MYO6: variants seen among roughly 807,000 people sequenced by gnomAD.
The protein encoded by MYO6 is unconventional myosin-VI.
MYO6 carries 74 observed loss-of-function variants against 178.7 expected under a neutral mutation model. The ratio of observed to expected loss-of-function variants is 0.41; its 90% confidence interval spans 0.34 to 0.50. The LOEUF (loss-of-function observed/expected upper bound fraction) is 0.50. Among genes scored for constraint, MYO6 ranks in the 20% least tolerant of loss-of-function variants. The probability of loss-of-function intolerance (pLI) is 0.09; values close to 1 mark genes in which losing one functional copy is unlikely to be tolerated. For synonymous variants in MYO6, 477 were observed against 504.6 expected, an observed-to-expected ratio of 0.95 and a Z score of 0.73; for missense variants, 1,330 against 1,547.4, an observed-to-expected ratio of 0.86 and a Z score of 2.36.
chr6:75,879,248 TG>T (rs1454914717), intron 20 of MYO6, among the ~76,000 whole-genome samples: 3 of 152,052 alleles, frequency 2.0e-5, no homozygotes, highest in African/African-American at 4.8e-5. Context: ...TCCTTAGTTT[TG>T]TTTTGTTTTG....
Position 75,912,532 on chromosome 6 carries a change from C to G in MYO6, c.3439+834C>G, listed in dbSNP as rs118072911. 8.8e-3 allele frequency among the ~76,000 whole-genome samples: 1,339 copies of G among 152,142 alleles called. 9 individuals carry two copies. Among genetic ancestry groups the G allele is most frequent in the South Asian group, 0.017 (80 of 4,826 alleles). ...AGTAAGAAAAGCTATCAAAGACTTTCTATTTAGTTTCTGAATTTTATCCAG... is the reference window on the plus strand; with the variant it reads ...AGTAAGAAAAGCTATCAAAGACTTTGTATTTAGTTTCTGAATTTTATCCAG... On this transcript the variant is annotated intron_variant, in intron 33 of 34. Transcript: ENST00000369977.
At chr6:75,831,889 CAAA>C (rs199741161) in intron 5 of MYO6, among the ~76,000 whole-genome samples, 12 of 95,128 alleles carry the variant, frequency 1.3e-4, no homozygotes, top group African/African-American at 1.2e-4. Context: ...TACCCTGTCT[CAAA>C]AAAAAAAAAA....
rs573681797 is a variant in MYO6 at position 75,871,395 on chromosome 6, A to G, written c.1983+710A>G. On this transcript the variant is annotated intron_variant, in intron 19 of 34. Coordinates refer to ENST00000369977, the MANE Select transcript of MYO6 (RefSeq NM_004999.4). ...CTCCCAACTAGCTGAGACTACAGGC[A>G]TGTACCACCACTCCTGGCTAATTTT... Among the ~76,000 whole-genome samples, 598 of 152,202 alleles carry G rather than the reference A, an allele frequency of 3.9e-3. 6 individuals are homozygous for G. Among genetic ancestry groups the G allele is most frequent in the African/African-American group, 0.014 (573 of 41,544 alleles).
At chr6:75,784,079 C>T (rs1767263622) in intron 1 of MYO6, among the ~76,000 whole-genome samples, 1 of 152,138 alleles carries the variant, frequency 6.6e-6, no homozygotes, top group African/African-American at 2.4e-5. Context: ...TCAAGTTATT[C>T]TCCTGCCTCA....
chr6:75,908,607 C>T lies in MYO6; in HGVS notation c.3392C>T (p.Pro1131Leu). The change falls in exon 32 of 35, where the codon CCA becomes CTA. Residue 1131 changes from proline to leucine, a missense_variant. Physicochemically the swap from Pro to Leu is moderately conservative, Grantham distance 98. Coordinates refer to ENST00000369977, the MANE Select transcript of MYO6 (RefSeq NM_004999.4). ...AATACTGAAACAGAGCAACGTGCTC[C>T]AAAGTCTGTTACTGATTATGGTAAA... Reference protein sequence around the residue: ...KRNTETEQRAPKSVTDYDFAP... With the variant: ...KRNTETEQRALKSVTDYDFAP... 1 of 1,613,470 alleles carries T rather than the reference C, an allele frequency of 6.2e-7. No individual in the cohort carries two copies. Among genetic ancestry groups the T allele is most frequent in the South Asian group, 1.1e-5 (1 of 91,068 alleles).
intron 1 of MYO6, among the ~76,000 whole-genome samples, chr6:75,793,903 C>T (rs1487214454): frequency 6.6e-6 from 1 of 152,142 alleles, no homozygotes; most frequent in Non-Finnish European, 1.5e-5. Context: ...CATAGGTCTC[C>T]ATGTACTTAC....
chr6:75,909,353 C>T (rs1562316440), intron 32 of MYO6, among the ~76,000 whole-genome samples: 1 of 152,162 alleles, frequency 6.6e-6, no homozygotes, highest in African/African-American at 2.4e-5. Flanking sequence ...ATGCATTGTC[C>T]ATTTACACTC....
At chr6:75,852,658 T>C (rs1775386066) in intron 11 of MYO6, among the ~76,000 whole-genome samples, 1 of 152,248 alleles carries the variant, frequency 6.6e-6, no homozygotes, top group African/African-American at 2.4e-5. Flanking sequence ...GGTTAATCCA[T>C]GTTATAGCAT....
At chr6:75,752,657 G>A (rs1045116391) in intron 1 of MYO6, among the ~76,000 whole-genome samples, 1 of 152,182 alleles carries the variant, frequency 6.6e-6, no homozygotes, top group African/African-American at 2.4e-5. Context: ...AAGCATCCAG[G>A]AGTAGATATG....
chr6:75,787,759 TA>T (rs1767804599), intron 1 of MYO6, among the ~76,000 whole-genome samples: 1 of 125,448 alleles, frequency 8.0e-6, no homozygotes, highest in Non-Finnish European at 1.6e-5. Flanking sequence ...TATATATATA[TA>T]TGTATTTTTT....
chr6:75,781,175 T>C (rs1416679250), intron 1 of MYO6, among the ~76,000 whole-genome samples: 2 of 152,166 alleles, frequency 1.3e-5, no homozygotes, highest in Non-Finnish European at 2.9e-5. Flanking sequence ...AAATTGATTA[T>C]TTTGAGAATA....
At chr6:75,907,804 G>A (rs1780453079) in intron 31 of MYO6, 96 bp downstream of exon 31, 1 of 841,464 alleles carries the variant, frequency 1.2e-6, no homozygotes. Context: ...ATGTGTGTGT[G>A]TGTGTGTGTG....
intron 18 of MYO6, among the ~76,000 whole-genome samples, chr6:75,868,267 G>A (rs1438701999): frequency 2.6e-5 from 4 of 151,534 alleles, no homozygotes; most frequent in African/African-American, 4.8e-5. Flanking sequence ...TTTGTTATAA[G>A]TTATATTCAT....
chr6:75,795,186 G>A (rs750794735), intron 1 of MYO6, among the ~76,000 whole-genome samples: 7 of 152,118 alleles, frequency 4.6e-5, no homozygotes, highest in Non-Finnish European at 8.8e-5. Flanking sequence ...TTTGGTGTAG[G>A]CGGAAGGCAG....
intron 18 of MYO6, among the ~76,000 whole-genome samples, chr6:75,869,727 CAAG>C (rs1776983670): frequency 6.6e-6 from 1 of 152,062 alleles, no homozygotes; most frequent in African/African-American, 2.4e-5. Flanking sequence ...GTTATAAAAA[CAAG>C]AAAGCATAGT....
At chr6:75,833,720 G>A (rs1773358179) in intron 6 of MYO6, among the ~76,000 whole-genome samples, 1 of 152,040 alleles carries the variant, frequency 6.6e-6, no homozygotes. Context: ...GTAGATCTGT[G>A]GTACATTTTG....
At chr6:75,847,731 T>C (rs1162951881) in intron 10 of MYO6, among the ~76,000 whole-genome samples, 1 of 152,106 alleles carries the variant, frequency 6.6e-6, no homozygotes, top group African/African-American at 2.4e-5. Context: ...GCATGAAAAT[T>C]GTATCAGCCT....
At chr6:75,873,637 T>C (rs2149328613) in intron 20 of MYO6, among the ~76,000 whole-genome samples, 1 of 152,292 alleles carries the variant, frequency 6.6e-6, no homozygotes, top group South Asian at 2.1e-4. Flanking sequence ...TTGTTTATTG[T>C]GAAATAAACA....
chr6:75,788,416 G>A (rs1413013299), intron 1 of MYO6, among the ~76,000 whole-genome samples: 1 of 152,124 alleles, frequency 6.6e-6, no homozygotes, highest in African/African-American at 2.4e-5. Context: ...CTTTCCCTGA[G>A]CTTCTTCTGC....
Sources: gnomAD v4.1 joint callset for allele counts (sites outside exome capture counted in the v4.1 genomes callset) on GRCh38, gnomAD v4.1.1 for gene constraint, MANE v1.5 for transcripts, NCBI Gene and HGNC (gene_info 2026-07-23, HGNC 2026-07-21) for gene names.